Variants in SGCZ observed in about 807,000 individuals in gnomAD.
SGCZ encodes sarcoglycan zeta.
SGCZ carries 40 observed loss-of-function variants against 41.3 expected under a neutral mutation model. The observed-to-expected ratio is 0.97, with a 90% CI of 0.75 to 1.26. The LOEUF (loss-of-function observed/expected upper bound fraction) is 1.26. SGCZ is among the 50% of genes most tolerant of loss of function. SGCZ has a pLI of 0.00. For missense variants in SGCZ, 552 were observed against 369.8 expected, an observed-to-expected ratio of 1.49 and a Z score of -4.04; for synonymous variants, 206 against 137.5, an observed-to-expected ratio of 1.50 and a Z score of -3.49.
In SGCZ at chr8:14,237,578, C is replaced by A. The variant is rs1384521327; in HGVS notation, c.424+14G>T. ...CAAGCACAGTAGGAGCAATCTTTAC[C>A]CCAAAACACTCACCTATGGTCAGCT... On this transcript the variant is annotated intron_variant, in intron 4 of 7. Transcript: ENST00000382080. The A allele has an allele frequency of 3.7e-6, 6 of 1,611,506 alleles. No homozygotes were observed. The highest frequency in any genetic ancestry group is 5.1e-6 in the Non-Finnish European group (6 of 1,178,564).
At chr8:14,790,134 A>G (rs1390334884) in intron 1 of SGCZ, among the ~76,000 whole-genome samples, 1 of 152,174 alleles carries the variant, frequency 6.6e-6, no homozygotes, top group Non-Finnish European at 1.5e-5. Flanking sequence ...GTATGTGTTC[A>G]TTAGAAATAG....
chr8:14,345,713 G>A (rs1391377135), intron 2 of SGCZ, among the ~76,000 whole-genome samples: 6 of 152,072 alleles, frequency 3.9e-5, no homozygotes, highest in Non-Finnish European at 8.8e-5. Flanking sequence ...TTCAACTCTA[G>A]CCTGGGCTAA....
intron 2 of SGCZ, among the ~76,000 whole-genome samples, chr8:14,336,566 A>C (rs1038993924): frequency 6.6e-6 from 1 of 152,146 alleles, no homozygotes; most frequent in African/African-American, 2.4e-5. Flanking sequence ...ACAGTGTATA[A>C]GCATTCTCTT....
intron 1 of SGCZ, among the ~76,000 whole-genome samples, chr8:14,695,433 T>G (rs954436292): frequency 1.3e-5 from 2 of 152,146 alleles, no homozygotes; most frequent in Non-Finnish European, 2.9e-5. Context: ...TTATCTCATG[T>G]GTCCAAAAGT....
At chr8:14,104,090 T>TTAAAC (rs1251952372) in intron 6 of SGCZ, among the ~76,000 whole-genome samples, 1 of 152,166 alleles carries the variant, frequency 6.6e-6, no homozygotes, top group Non-Finnish European at 1.5e-5. Context: ...AGGTTTTCAA[T>TTAAAC]TAAACTATTC....
At chr8:14,978,881 C>G (rs770419954) in intron 1 of SGCZ, among the ~76,000 whole-genome samples, 3 of 152,170 alleles carry the variant, frequency 2.0e-5, no homozygotes, top group Non-Finnish European at 4.4e-5. Flanking sequence ...TCACTGCAAC[C>G]TCTGCCTCCC....
rs199731606 is a variant in SGCZ at position 14,894,204 on chromosome 8, A to AT, written c.40-339279dup. 2.2e-3 allele frequency among the ~76,000 whole-genome samples: 326 copies of AT among 151,344 alleles called. 1 individual carries two copies. The highest frequency in any genetic ancestry group is 7.1e-3 in the African/African-American group (295 of 41,290). ...CTCATAGTACTTAAACTTTGCTGTT[A>AT]TTTTTTTTTCAATTGTGTTAGCTTT... On this transcript the variant is annotated intron_variant, in intron 1 of 7. Coordinates refer to ENST00000382080, the MANE Select transcript of SGCZ (RefSeq NM_139167.4).
intron 1 of SGCZ, among the ~76,000 whole-genome samples, chr8:14,857,949 G>T (rs971602833): frequency 6.6e-6 from 1 of 152,090 alleles, no homozygotes; most frequent in Non-Finnish European, 1.5e-5. Context: ...CTTTTGGAAT[G>T]GGCAAGATTC....
At position 14,421,055 on chromosome 8, in the gene SGCZ, C is replaced by A. The variant is rs1368029946; in HGVS notation, c.235-96851G>T. Among the ~76,000 whole-genome samples the A allele has an allele frequency of 2.6e-5, 4 of 152,018 alleles. No individual in the cohort carries two copies. The East Asian group carries it at 7.7e-4, about 29-fold the overall frequency. ...CCAAAGATAATGAGATGATTTTATTCTAAACTACTCTGAAATGTGATTTTT... is the reference window on the plus strand; with the variant it reads ...CCAAAGATAATGAGATGATTTTATTATAAACTACTCTGAAATGTGATTTTT... On this transcript the variant is annotated intron_variant, in intron 2 of 7. Transcript: ENST00000382080.
chr8:14,935,836 G>T (rs1024233450), intron 1 of SGCZ, among the ~76,000 whole-genome samples: 1 of 151,434 alleles, frequency 6.6e-6, no homozygotes, highest in African/African-American at 2.4e-5. Context: ...ACATATAAAG[G>T]GACCCTGCTA....
chr8:15,209,874 TCC>T (rs1801185577), intron 1 of SGCZ, among the ~76,000 whole-genome samples: 1 of 152,178 alleles, frequency 6.6e-6, no homozygotes, highest in Non-Finnish European at 1.5e-5. Context: ...TGGGGGCTTC[TCC>T]AACTTTGCCA....
At chr8:14,950,166 G>C (rs1468657156) in intron 1 of SGCZ, among the ~76,000 whole-genome samples, 2 of 151,880 alleles carry the variant, frequency 1.3e-5, no homozygotes, top group Admixed American at 6.6e-5. Context: ...TCCATCTTCT[G>C]GAACATTCAA....
intron 2 of SGCZ, among the ~76,000 whole-genome samples, chr8:14,486,768 A>G (rs1442166224): frequency 6.6e-6 from 1 of 151,884 alleles, no homozygotes; most frequent in African/African-American, 2.4e-5. Context: ...CCATTCTCCA[A>G]CCTCAGCCTC....
At chr8:14,301,352 C>G (rs1585337530) in intron 3 of SGCZ, among the ~76,000 whole-genome samples, 1 of 150,266 alleles carries the variant, frequency 6.7e-6, no homozygotes, top group Non-Finnish European at 1.5e-5. Context: ...CAATTTCAAC[C>G]TCAGTAGTGA....
intron 1 of SGCZ, among the ~76,000 whole-genome samples, chr8:14,951,581 A>G: frequency 6.6e-6 from 1 of 152,084 alleles, no homozygotes; most frequent in Admixed American, 6.6e-5. Context: ...ATTTAAATGT[A>G]GAAAACATCA....
intron 1 of SGCZ, among the ~76,000 whole-genome samples, chr8:14,598,669 A>C (rs1805492823): frequency 6.6e-6 from 1 of 151,924 alleles, no homozygotes; most frequent in Non-Finnish European, 1.5e-5. Context: ...CTTGGACTAT[A>C]GGTGGGCCAT....
At chr8:14,212,467 C>CAAAAAAAAAAAAAAAAAAA (rs33947419) in intron 4 of SGCZ, among the ~76,000 whole-genome samples, 1 of 97,976 alleles carries the variant, frequency 1.0e-5, no homozygotes, top group African/African-American at 3.8e-5. Flanking sequence ...ATGCAAAAGA[C>CAAAAAAAAAAAAAAAAAAA]AAAAAAAAAA....
At chr8:14,096,438 C>A (rs1204223257) in intron 7 of SGCZ, among the ~76,000 whole-genome samples, 2 of 152,200 alleles carry the variant, frequency 1.3e-5, no homozygotes, top group Non-Finnish European at 2.9e-5. Flanking sequence ...ACCAGCCTTG[C>A]ATCCCAGGGA....
At chr8:15,013,526 C>T (rs1345123804) in intron 1 of SGCZ, among the ~76,000 whole-genome samples, 2 of 152,120 alleles carry the variant, frequency 1.3e-5, no homozygotes, top group African/African-American at 2.4e-5. Flanking sequence ...TCCCTCCCCT[C>T]CTTCCCTTTA....
Sources: allele counts gnomAD v4.1 joint callset (sites outside exome capture counted in the v4.1 genomes callset), GRCh38; gene constraint gnomAD v4.1.1; transcripts MANE v1.5; gene names NCBI Gene and HGNC (gene_info 2026-07-23, HGNC 2026-07-21).